Variants in RNF40 observed in about 807,000 individuals in gnomAD.
RNF40 encodes the protein E3 ubiquitin-protein ligase BRE1B.
In RNF40, 39 loss-of-function variants were observed where a neutral mutation model predicts 123.3. The ratio of observed to expected loss-of-function variants is 0.32; its 90% CI spans 0.24 to 0.41. The LOEUF (loss-of-function observed/expected upper bound fraction) is 0.41, where lower values mean the gene tolerates loss of function less well. Among genes scored for constraint, RNF40 ranks in the 10% least tolerant of loss-of-function variants. The pLI, the probability that RNF40 is intolerant of heterozygous loss-of-function variation, is 1.00. For missense variants in RNF40, 1,003 were observed against 1,319.9 expected (o/e 0.76, Z 3.72); for synonymous variants, 538 against 526.0 (o/e 1.02, Z -0.31).
chr16:30,773,384 A>G, intron 19 of RNF40: 1 of 155,970 alleles, frequency 6.4e-6, no homozygotes, highest in Non-Finnish European at 1.4e-5. Flanking sequence ...AGGCTGGAGG[A>G]GCACTGTTGG....
At position 30,768,215 on chromosome 16, in the gene RNF40, T is replaced by C; in HGVS notation, c.1664T>C (p.Val555Ala). The C allele has an allele frequency of 1.2e-6, 2 of 1,613,676 alleles. No individual in the cohort carries two copies. The highest frequency in any genetic ancestry group is 1.7e-6 in the Non-Finnish European group (2 of 1,179,976). ...AAAGAGGAGGGTGGGCCAGGCCCTG[T>C]CAGTACCCCCGACAACAGAAAGGAG... The part of the protein sequence containing the change: ...PGKEEGGPGP[V>A]STPDNRKEMA... The change falls in exon 13 of 20, where the codon GTC becomes GCC. Residue 555 changes from valine (V) to alanine (A), a missense_variant. Physicochemically the swap from Val to Ala is moderately conservative, Grantham distance 64 (BLOSUM62 0). Coordinates refer to ENST00000324685, the MANE Select transcript of RNF40 (RefSeq NM_014771.4). The surrounding 1 kb of genome is among the most constrained non-coding windows in gnomAD (Gnocchi z 4.1).
upstream of RNF40, chr16:30,761,778 C>T: frequency 6.7e-7 from 1 of 1,498,170 alleles, no homozygotes; most frequent in Non-Finnish European, 8.9e-7. Flanking sequence ...GCGAGGCGCC[C>T]CGGGCTCCCG....
In RNF40 at chr16:30,768,721, C is replaced by G. The variant is rs764940676; in HGVS notation, c.2082C>G (p.Arg694=). ...RDKVQLMAAE[R]KAKAEVDELR... The stretch of plus-strand genomic sequence containing the variant: ...AGGTGCAGCTCATGGCAGCGGAACG[C>G]AAGGCTAAGGCCGAGGTGAGGGCAG... Residue 694 remains arginine, a synonymous_variant, in exon 14 of 20, where the codon CGC becomes CGG. Transcript: ENST00000324685. This position sits in a 1 kb window ranked among gnomAD's most constrained non-coding sequence, Gnocchi z 4.1. 3 of 1,614,004 alleles carry G rather than the reference C, an allele frequency of 1.9e-6. No individual in the cohort carries two copies. Among genetic ancestry groups the G allele is most frequent in the Admixed American group, 1.7e-5 (1 of 60,032 alleles).
rs2053873991 is a variant in RNF40 at position 30,762,480 on chromosome 16, G to T, written c.-66G>T. 4.0e-6 allele frequency: 6 copies of T among 1,490,820 alleles called. No homozygotes were observed. The highest frequency in any genetic ancestry group is 1.4e-5 in the African/African-American group (1 of 70,676). 92.3% of individuals were successfully genotyped at this position (1,490,820 alleles called of 1,614,324 possible). ...CTGCTCTGTGTCTTCTGCAGGTGAC[G>T]GAAGTACCGCCTCCTCCCGTTTGAC... On this transcript the variant is annotated 5_prime_UTR_variant, in exon 2 of 20. Coordinates refer to ENST00000324685, the MANE Select transcript of RNF40 (RefSeq NM_014771.4).
At chr16:30,764,531 T>A in intron 5 of RNF40, 146 bp downstream of exon 5, 1 of 731,036 alleles carries the variant, frequency 1.4e-6, no homozygotes, top group Non-Finnish European at 2.2e-6. Flanking sequence ...AAGAGGTAGG[T>A]TAGGCTGTAG....
Position 30,767,876 on chromosome 16 carries a change from T to C in RNF40, c.1430-18T>C. ...CAGGAACTGGTTCTGACACCTTTAC[T>C]TGCTGATGCTCCTCCAGGGCCCATC... On this transcript the variant is annotated intron_variant, in intron 11 of 19. Transcript: ENST00000324685. The C allele has an allele frequency of 6.2e-7, 1 of 1,614,156 alleles. No individual in the cohort carries two copies. Among genetic ancestry groups the C allele is most frequent in the Non-Finnish European group, 8.5e-7 (1 of 1,180,032 alleles).
In RNF40 at chr16:30,767,734, A is replaced by G. The variant is rs2054064047; in HGVS notation, c.1430-160A>G. On this transcript the variant is annotated intron_variant, in intron 11 of 19. Transcript: ENST00000324685. ...GTTAATTTTGGGTGAGTTTCCTTGA[A>G]GTCAGCATTATTTACTTTGATGAGT... is the stretch of plus-strand genomic sequence containing the variant. 3.5e-6 allele frequency: 3 copies of G among 853,270 alleles called. No individual in the cohort carries two copies. The African/African-American group carries it at 5.0e-5, about 14-fold the overall frequency. The allele number at this position is 853,270 out of a possible 1,614,324, so 52.9% of individuals were successfully genotyped here.
At chr16:30,772,722 T>G (rs1596764173) in intron 19 of RNF40, among the ~76,000 whole-genome samples, 1 of 152,178 alleles carries the variant, frequency 6.6e-6, no homozygotes, top group South Asian at 2.1e-4. Flanking sequence ...GTGGAGAGGT[T>G]GGGCCGTGTC....
At chr16:30,762,280 G>T (rs566232051), upstream of RNF40, 20 of 463,224 alleles carry the variant, frequency 4.3e-5, no homozygotes, top group African/African-American at 6.2e-5. Flanking sequence ...GCACCGTTGG[G>T]GGGGGGGCAG....
rs1412338560 is a variant in RNF40 at position 30,768,037 on chromosome 16, A to G, written c.1551+22A>G. ...CAAGGTGAGAAGGGGCCTGCCTGGG[A>G]AAAGGTTTGGCTAGACTCCAGTGAA... On this transcript the variant is annotated intron_variant, in intron 12 of 19. Transcript: ENST00000324685. The surrounding 1 kb of genome is among the most constrained non-coding windows in gnomAD (Gnocchi z 4.1). 1.2e-6 allele frequency: 2 copies of G among 1,614,164 alleles called. No individual in the cohort carries two copies. Among genetic ancestry groups the G allele is most frequent in the Non-Finnish European group, 1.7e-6 (2 of 1,180,022 alleles).
intron 17 of RNF40, among the ~76,000 whole-genome samples, chr16:30,770,502 G>C (rs990763859): frequency 6.6e-6 from 1 of 152,156 alleles, no homozygotes; most frequent in Non-Finnish European, 1.5e-5. Flanking sequence ...TAATATTTGG[G>C]TCCAAGCCTC....
intron 1 of RNF40, 45 bp downstream of exon 1, chr16:30,762,405 G>A: frequency 1.1e-6 from 1 of 886,296 alleles, no homozygotes; most frequent in Non-Finnish European, 1.6e-6. Context: ...GCAGGTGTGT[G>A]CAGGGTGGAG....
chr16:30,772,275 C>T (rs759095794), intron 19 of RNF40, 85 bp downstream of exon 19: 2 of 1,125,260 alleles, frequency 1.8e-6, no homozygotes, highest in Admixed American at 2.0e-5. Context: ...TCTGGGGACC[C>T]TGGAAGTAAT....
chr16:30,761,624 G>C (rs531288450), upstream of RNF40: 5 of 1,535,980 alleles, frequency 3.3e-6, no homozygotes, highest in African/African-American at 5.5e-5. Flanking sequence ...ACTCGCACGC[G>C]TCCGCGCGGC....
Position 30,762,536 on chromosome 16 carries a change from C to G in RNF40, c.-10C>G. 2 of 1,581,486 alleles carry G rather than the reference C, an allele frequency of 1.3e-6. No individual in the cohort carries two copies. Among genetic ancestry groups the G allele is most frequent in the Admixed American group, 3.8e-5 (2 of 52,290 alleles). ...TCAGGGGACCCTGCATCGCTCCAGCCGCCGCGGCCATGTCTGGGCCAGGCA... is the reference window on the plus strand; with the variant it reads ...TCAGGGGACCCTGCATCGCTCCAGCGGCCGCGGCCATGTCTGGGCCAGGCA... On this transcript the variant is annotated 5_prime_UTR_variant, in exon 2 of 20. Transcript: ENST00000324685.
In RNF40 at chr16:30,768,795, C is replaced by T. The variant is rs1459094940; in HGVS notation, c.2098-43C>T. 6 of 1,614,042 alleles carry T rather than the reference C, an allele frequency of 3.7e-6. No homozygotes were observed. Among genetic ancestry groups the T allele is most frequent in the Non-Finnish European group, 5.1e-6 (6 of 1,179,992 alleles). ...AAGGCAGAGCAGAGTCCTAGCTCAG[C>T]AGGAAGCAGTGTCAAGAGAGTTTCT... On this transcript the variant is annotated intron_variant, in intron 14 of 19. Coordinates refer to ENST00000324685, the MANE Select transcript of RNF40 (RefSeq NM_014771.4). The surrounding 1 kb of genome is among the most constrained non-coding windows in gnomAD (Gnocchi z 4.1).
chr16:30,767,799 G>A, intron 11 of RNF40, 95 bp from the exon 12 acceptor site: 3 of 1,538,304 alleles, frequency 2.0e-6, no homozygotes, highest in Non-Finnish European at 2.7e-6. Context: ...CTCCTGCACA[G>A]TGGGAGTGAT....
chr16:30,764,499 A>G, intron 5 of RNF40, 114 bp downstream of exon 5: 1 of 894,804 alleles, frequency 1.1e-6, no homozygotes, highest in Non-Finnish European at 1.7e-6. Context: ...TTTCCCAAGG[A>G]ATAAATCAGC....
Position 30,766,958 on chromosome 16 carries a change from C to T in RNF40, c.1429+82C>T. On this transcript the variant is annotated intron_variant, in intron 11 of 19. Transcript: ENST00000324685. The surrounding 1 kb of genome is among the most constrained non-coding windows in gnomAD (Gnocchi z 5.4). The stretch of plus-strand genomic sequence containing the variant: ...TGTGGGGCTGCTGCTTATCCAGATG[C>T]AAGAGGCTAAGGCCTTTTTTTTCAC... 6.5e-7 allele frequency: 1 copy of T among 1,530,452 alleles called. No individual in the cohort carries two copies. The highest frequency in any genetic ancestry group is 2.3e-5 in the East Asian group (1 of 43,400). The allele number at this position is 1,530,452 out of a possible 1,614,324, so 94.8% of individuals were successfully genotyped here. A position where few individuals can be genotyped will look rare whatever the true frequency, so the allele number is the denominator to read the frequency against.
Sources: allele counts gnomAD v4.1 joint callset (sites outside exome capture counted in the v4.1 genomes callset), GRCh38; gene constraint gnomAD v4.1.1; non-coding constraint Gnocchi (gnomAD v3.1); transcripts MANE v1.5; gene names NCBI Gene and HGNC (gene_info 2026-07-23, HGNC 2026-07-21).